TXNRD3: variants seen among roughly 807,000 people sequenced by gnomAD.
The protein encoded by TXNRD3 is TXNRD3 neighbor gene protein.
Under a neutral mutation model 78.2 loss-of-function variants are expected in TXNRD3, and 68 were observed. That is an observed-to-expected ratio of 0.87 (90% CI 0.72 to 1.06). TXNRD3 has a LOEUF of 1.06. Ranked by LOEUF, TXNRD3 falls within the 50% of genes least tolerant of loss-of-function variation. The pLI is 0.00. For missense variants in TXNRD3, 751 were observed against 809.5 expected (o/e 0.93, Z 0.88); for synonymous variants, 296 against 300.1 (o/e 0.99, Z 0.14).
Position 126,650,256 on chromosome 3 carries a change from C to T in TXNRD3, c.244-2960G>A, listed in dbSNP as rs577329680. On this transcript the variant is annotated intron_variant, in intron 1 of 15. Coordinates refer to ENST00000524230, the MANE Select transcript of TXNRD3 (RefSeq NM_052883.3). ...CACTGAGCCTAGTTTCATATGATGGCTAGATTTCAAATCACAGGTCAGACG... is the reference window on the plus strand; with the variant it reads ...CACTGAGCCTAGTTTCATATGATGGTTAGATTTCAAATCACAGGTCAGACG... Among the ~76,000 whole-genome samples the T allele has an allele frequency of 4.1e-4, 63 of 152,296 alleles. No individual in the cohort carries two copies. In the South Asian group the frequency reaches 0.013, roughly 32 times the overall value.
At position 126,615,430 on chromosome 3, in the gene TXNRD3, A is replaced by G; in HGVS notation, c.1557T>C (p.Phe519=). The G allele has an allele frequency of 2.0e-6, 3 of 1,517,748 alleles. No individual in the cohort carries two copies. The highest frequency in any genetic ancestry group is 2.6e-6 in the Non-Finnish European group (3 of 1,138,486). The allele number at this position is 1,517,748 out of a possible 1,614,324, so 94.0% of individuals were successfully genotyped here. A position where few individuals can be genotyped will look rare whatever the true frequency, so the allele number is the denominator to read the frequency against. The change falls in exon 13 of 16, where the codon TTT becomes TTC. Residue 519 remains phenylalanine, a synonymous_variant. Coordinates refer to ENST00000524230, the MANE Select transcript of TXNRD3 (RefSeq NM_052883.3). The stretch of plus-strand genomic sequence containing the variant: ...CACAGCAACCATACTCCAGAGGAGT[A>G]AACACTGTAGTCGGAACATTAATAT...
chr3:126,615,394 T>C lies in TXNRD3; in HGVS notation c.1593A>G (p.Glu531=). Residue 531 remains glutamate, a synonymous_variant, in exon 13 of 16, where the codon GAA becomes GAG. Transcript: ENST00000524230. The stretch of plus-strand genomic sequence containing the variant: ...TTTTATATACTTCAATAGCTTTCTC[T>C]TCAGATAATCCACAGCAACCATACT... 1 of 1,519,476 alleles carries C rather than the reference T, an allele frequency of 6.6e-7. No individual in the cohort carries two copies. Among genetic ancestry groups the C allele is most frequent in the East Asian group, 2.5e-5 (1 of 40,530 alleles). 94.1% of individuals were successfully genotyped at this position (1,519,476 alleles called of 1,614,324 possible).
intron 10 of TXNRD3, among the ~76,000 whole-genome samples, chr3:126,628,740 G>A (rs1322952867): frequency 6.6e-6 from 1 of 152,022 alleles, no homozygotes; most frequent in East Asian, 1.9e-4. Flanking sequence ...GAAGTCAAGT[G>A]TTTCCAAATT....
chr3:126,654,826 C>A lies in TXNRD3; in HGVS notation c.165G>T (p.Leu55=). 7.1e-7 allele frequency: 1 copy of A among 1,403,056 alleles called. No homozygotes were observed. 86.9% of individuals were successfully genotyped at this position (1,403,056 alleles called of 1,614,324 possible). A position where few individuals can be genotyped will look rare whatever the true frequency, so the allele number is the denominator to read the frequency against. ...CGATGAGGCCCACGAGGTGGCGGCGCAGCTCCTCGCGGGCCTCGGACGAGC... is the reference window on the plus strand; with the variant it reads ...CGATGAGGCCCACGAGGTGGCGGCGAAGCTCCTCGCGGGCCTCGGACGAGC... Residue 55 remains leucine, a synonymous_variant, in exon 1 of 16, where the codon CTG becomes CTT. Coordinates refer to ENST00000524230, the MANE Select transcript of TXNRD3 (RefSeq NM_052883.3).
At chr3:126,639,307 C>T (rs980399604) in intron 6 of TXNRD3, among the ~76,000 whole-genome samples, 6 of 152,182 alleles carry the variant, frequency 3.9e-5, no homozygotes, top group African/African-American at 1.2e-4. Flanking sequence ...CCAAACTCCT[C>T]CTGGCTTCTG....
chr3:126,651,737 T>G (rs2107631017), intron 1 of TXNRD3, among the ~76,000 whole-genome samples: 1 of 152,232 alleles, frequency 6.6e-6, no homozygotes, highest in South Asian at 2.1e-4. Context: ...GTGGAAAGGA[T>G]GGGGTCTCCA....
rs1252205298 is a variant in TXNRD3, at chr3:126,607,081, C to T, written c.*824G>A. On this transcript the variant is annotated 3_prime_UTR_variant, in exon 16 of 16. Coordinates refer to ENST00000524230, the MANE Select transcript of TXNRD3 (RefSeq NM_052883.3). ...GTATTCATTTATGGAACTTTATCAT[C>T]ATTAAACAGACTGTGATGGAATTAT... 3 of 152,158 alleles carry T rather than the reference C, an allele frequency of 2.0e-5. No homozygotes were observed. Among genetic ancestry groups the T allele is most frequent in the Admixed American group, 6.5e-5 (1 of 15,282 alleles). The allele number at this position is 152,158 out of a possible 1,614,324, so 9.4% of individuals were successfully genotyped here. A position where few individuals can be genotyped will look rare whatever the true frequency, so the allele number is the denominator to read the frequency against.
chr3:126,624,525 A>G (rs1938532763), intron 10 of TXNRD3, among the ~76,000 whole-genome samples: 1 of 151,056 alleles, frequency 6.6e-6, no homozygotes, highest in Non-Finnish European at 1.5e-5. Context: ...GGTTCACGCC[A>G]TTCTCCTGCC....
intron 10 of TXNRD3, among the ~76,000 whole-genome samples, chr3:126,624,262 T>C (rs1215272644): frequency 2.0e-5 from 3 of 152,154 alleles, no homozygotes; most frequent in Non-Finnish European, 4.4e-5. Flanking sequence ...TTAAAAGTTA[T>C]ATAGAAATGC....
At chr3:126,654,171 A>G (rs1344259400) in intron 1 of TXNRD3, among the ~76,000 whole-genome samples, 2 of 152,214 alleles carry the variant, frequency 1.3e-5, no homozygotes, top group East Asian at 3.8e-4. Context: ...ATACACATCA[A>G]TGTAAACTTC....
At chr3:126,628,250 T>C (rs77739442) in intron 10 of TXNRD3, among the ~76,000 whole-genome samples, 11,136 of 152,182 alleles carry the variant, frequency 0.073, 469 homozygotes, top group East Asian at 0.2. Context: ...TGCTTTTTAG[T>C]GAAACGTCTT....
At chr3:126,653,059 C>T (rs1469238345) in intron 1 of TXNRD3, among the ~76,000 whole-genome samples, 5 of 152,342 alleles carry the variant, frequency 3.3e-5, no homozygotes, top group African/African-American at 1.2e-4. Flanking sequence ...AAATAATTTT[C>T]TTCCTTGTTC....
At chr3:126,624,743 G>A (rs1938537969) in intron 10 of TXNRD3, 1 of 154,618 alleles carries the variant, frequency 6.5e-6, no homozygotes. Flanking sequence ...AGAAAGGGAA[G>A]TCTTTTCAAC....
intron 6 of TXNRD3, among the ~76,000 whole-genome samples, chr3:126,639,572 AT>A (rs199855743): frequency 6.6e-6 from 1 of 151,920 alleles, no homozygotes; most frequent in African/African-American, 2.4e-5. Context: ...GAAAAGAAAG[AT>A]TTTTTTCTTT....
chr3:126,629,243 T>C, intron 10 of TXNRD3, 136 bp downstream of exon 10: 1 of 655,044 alleles, frequency 1.5e-6, no homozygotes, highest in Non-Finnish European at 2.5e-6. Flanking sequence ...AGCCAAATTA[T>C]CTTCTATGAT....
intron 12 of TXNRD3, among the ~76,000 whole-genome samples, chr3:126,618,978 C>T (rs2107612677): frequency 6.6e-6 from 1 of 151,542 alleles, no homozygotes; most frequent in Non-Finnish European, 1.5e-5. Flanking sequence ...CTTAGTATCA[C>T]TAATCATCAG....
At chr3:126,640,297 C>G (rs1933040794) in intron 6 of TXNRD3, among the ~76,000 whole-genome samples, 1 of 22,478 alleles carries the variant, frequency 4.4e-5, no homozygotes, top group African/African-American at 8.7e-5. Context: ...TTAGTAGAGA[C>G]GGGGTTTCAC....
intron 1 of TXNRD3, among the ~76,000 whole-genome samples, chr3:126,651,442 T>C (rs973233265): frequency 1.3e-5 from 2 of 152,250 alleles, no homozygotes; most frequent in Non-Finnish European, 2.9e-5. Context: ...GCCACATTAC[T>C]GAAAATGTTA....
chr3:126,642,827 G>A (rs1223763263), intron 5 of TXNRD3, among the ~76,000 whole-genome samples: 4 of 152,140 alleles, frequency 2.6e-5, no homozygotes, highest in African/African-American at 9.7e-5. Flanking sequence ...GAGTAAGTTT[G>A]AATTTTAAAA....
Sources: gnomAD v4.1 joint callset for allele counts (sites outside exome capture counted in the v4.1 genomes callset) on GRCh38, gnomAD v4.1.1 for gene constraint, MANE v1.5 for transcripts, NCBI Gene and HGNC (gene_info 2026-07-23, HGNC 2026-07-21) for gene names.